Variants in DNAI7 observed in about 807,000 individuals in gnomAD.
DNAI7 encodes cancer susceptibility 1.
DNAI7 carries 78 observed loss-of-function variants against 86.6 expected under a neutral mutation model. That is an observed-to-expected ratio of 0.90 (90% confidence interval 0.75 to 1.09). The LOEUF (loss-of-function observed/expected upper bound fraction) is 1.09. DNAI7 is among the 50% of genes least tolerant of loss of function. The probability of loss-of-function intolerance (pLI) is 0.00; values close to 1 mark genes in which losing one functional copy is unlikely to be tolerated. For synonymous variants in DNAI7, 274 were observed against 273.0 expected (o/e 1.00, Z -0.04); for missense variants, 753 against 810.2 (o/e 0.93, Z 0.86).
intron 12 of DNAI7, among the ~76,000 whole-genome samples, chr12:25,115,344 C>T (rs1009088040): frequency 6.6e-6 from 1 of 152,178 alleles, no homozygotes; most frequent in Admixed American, 6.5e-5. Context: ...GCAACCATCA[C>T]CACAATCCAG....
chr12:25,173,780 TACACACATCATATATATAC>T (rs1232233755), intron 2 of DNAI7, among the ~76,000 whole-genome samples: 12 of 151,186 alleles, frequency 7.9e-5, no homozygotes, highest in East Asian at 1.9e-4. Context: ...ATCATATATA[TACACACATCATATATATAC>T]ACACACATCA....
At chr12:25,170,779 T>G (rs1332662028) in intron 2 of DNAI7, among the ~76,000 whole-genome samples, 1 of 152,068 alleles carries the variant, frequency 6.6e-6, no homozygotes, top group East Asian at 1.9e-4. Flanking sequence ...TATCCAGCAC[T>G]CTCTCACACC....
At chr12:25,195,020 G>T (rs778722054) in intron 1 of DNAI7, 56 bp downstream of exon 1, 2 of 1,614,224 alleles carry the variant, frequency 1.2e-6, no homozygotes, top group Non-Finnish European at 1.7e-6. Flanking sequence ...TTTAACACTG[G>T]TGAAGCAGAA....
intron 13 of DNAI7, 62 bp from the exon 14 acceptor site, chr12:25,112,001 C>A: frequency 9.4e-7 from 1 of 1,063,228 alleles, no homozygotes; most frequent in Non-Finnish European, 1.3e-6. Context: ...AGTATCACTC[C>A]AGGTGCAGCC....
At chr12:25,148,321 A>G (rs2140902151) in intron 7 of DNAI7, among the ~76,000 whole-genome samples, 1 of 152,292 alleles carries the variant, frequency 6.6e-6, no homozygotes, top group East Asian at 1.9e-4. Flanking sequence ...GTTATGCTGT[A>G]TTCTTCATAC....
chr12:25,110,471 C>T (rs1000602484), intron 14 of DNAI7, among the ~76,000 whole-genome samples: 4 of 152,198 alleles, frequency 2.6e-5, no homozygotes, highest in Non-Finnish European at 4.4e-5. Flanking sequence ...CCCGACTCCA[C>T]ATATACCCCA....
chr12:25,137,450 G>T (rs1943677640), intron 9 of DNAI7, among the ~76,000 whole-genome samples: 1 of 151,804 alleles, frequency 6.6e-6, no homozygotes, highest in African/African-American at 2.4e-5. Flanking sequence ...ATCTCACAGG[G>T]CCTATAAAAC....
At chr12:25,135,365 G>T (rs947601282) in intron 9 of DNAI7, among the ~76,000 whole-genome samples, 2 of 152,218 alleles carry the variant, frequency 1.3e-5, no homozygotes, top group Admixed American at 6.5e-5. Context: ...TCTCACAGGG[G>T]TCCTTGGGGA....
At chr12:25,118,325 G>A (rs915231790) in intron 12 of DNAI7, among the ~76,000 whole-genome samples, 17 of 151,974 alleles carry the variant, frequency 1.1e-4, no homozygotes, top group African/African-American at 3.6e-4. Context: ...GTACAGTGGC[G>A]CCATCTTGGC....
At chr12:25,160,482 C>T (rs768712716) in intron 3 of DNAI7, among the ~76,000 whole-genome samples, 8 of 152,174 alleles carry the variant, frequency 5.3e-5, no homozygotes, top group Non-Finnish European at 1.2e-4. Context: ...TAACTCATTC[C>T]GATTACCTGC....
intron 13 of DNAI7, 81 bp from the exon 14 acceptor site, chr12:25,112,020 C>T (rs1046742317): frequency 9.6e-6 from 8 of 837,146 alleles, no homozygotes; most frequent in East Asian, 8.2e-5. Flanking sequence ...CCTTTAGATG[C>T]TTTATACATT....
intron 13 of DNAI7, among the ~76,000 whole-genome samples, chr12:25,112,399 G>GTTTTTTTTTTTTTTTTTT (rs10602859): frequency 9.6e-6 from 1 of 104,298 alleles, no homozygotes; most frequent in Non-Finnish European, 1.8e-5. Flanking sequence ...TTCACATCTG[G>GTTTTTTTTTTTTTTTTTT]TTTTTTTTTT....
intron 12 of DNAI7, among the ~76,000 whole-genome samples, chr12:25,118,318 C>G (rs535570529): frequency 1.3e-5 from 2 of 152,126 alleles, no homozygotes; most frequent in African/African-American, 4.8e-5. Flanking sequence ...GACTGGAGTA[C>G]AGTGGCGCCA....
At chr12:25,111,511 G>T (rs1355088327) in intron 14 of DNAI7, among the ~76,000 whole-genome samples, 2 of 152,146 alleles carry the variant, frequency 1.3e-5, no homozygotes, top group East Asian at 3.8e-4. Context: ...TATAAAATGA[G>T]AATTGCTTAA....
At position 25,144,592 on chromosome 12, in the gene DNAI7, G is replaced by A; in HGVS notation, c.775C>T (p.Leu259=). 6.2e-6 allele frequency: 10 copies of A among 1,614,016 alleles called. No individual in the cohort carries two copies. Among genetic ancestry groups the A allele is most frequent in the Non-Finnish European group, 8.5e-6 (10 of 1,179,938 alleles). The change falls in exon 9 of 16, where the codon CTG becomes TTG. Residue 259 remains leucine (L), a synonymous_variant. Transcript: ENST00000395987. ...GAAACATGATCATAGTGGGTATGCA[G>A]GAGTCGTACAGCAATGTCACTTGTT... ...LATSDIAVRL[L]HTHYDHVSAL...
chr12:25,110,191 G>C lies in DNAI7; in HGVS notation c.1829C>G (p.Ser610Cys). The stretch of plus-strand genomic sequence containing the variant: ...CTTGCTCCAACCAAATGCAAAAGCA[G>C]AACTTAGTAGGGCCATCTGTCGATA... ...KAYRQMALLS[S>C]AFAFGWSKWN... The change falls in exon 15 of 16, where the codon TCT (serine) becomes TGT (cysteine). Residue 610 changes from serine (S) to cysteine (C), a missense_variant. By Grantham distance (112) the Ser-to-Cys change is moderately radical (BLOSUM62 -1). Coordinates refer to ENST00000395987, the MANE Select transcript of DNAI7 (RefSeq NM_018272.5). 6.2e-7 allele frequency: 1 copy of C among 1,612,864 alleles called. No homozygotes were observed. The highest frequency in any genetic ancestry group is 1.7e-5 in the Admixed American group (1 of 60,008).
chr12:25,109,875 A>C (rs1317602755), intron 15 of DNAI7, among the ~76,000 whole-genome samples: 2 of 151,746 alleles, frequency 1.3e-5, no homozygotes, highest in African/African-American at 4.8e-5. Context: ...ACGGGGTTTC[A>C]CCATATTGGT....
At chr12:25,165,364 C>T (rs966359442) in intron 2 of DNAI7, among the ~76,000 whole-genome samples, 17 of 152,312 alleles carry the variant, frequency 1.1e-4, no homozygotes, top group African/African-American at 2.6e-4. Context: ...GAACTCCAAA[C>T]GCCTGAACTG....
rs185809672 is a variant in DNAI7, at chr12:25,171,024, C to G, written c.22-9827G>C. On this transcript the variant is annotated intron_variant, in intron 2 of 15. Coordinates refer to ENST00000395987, the MANE Select transcript of DNAI7 (RefSeq NM_018272.5). ...GCCCTAAATGCCTACATCAAAAAAT[C>G]TGAAAGAGCACAAACAGGCAATCTA... Among the ~76,000 whole-genome samples the G allele has an allele frequency of 1.9e-4, 29 of 152,136 alleles. No homozygotes were observed. In the East Asian group the frequency reaches 3.5e-3, roughly 18 times the overall value.
Sources: gnomAD v4.1 joint callset for allele counts (sites outside exome capture counted in the v4.1 genomes callset) on GRCh38, gnomAD v4.1.1 for gene constraint, MANE v1.5 for transcripts, NCBI Gene and HGNC (gene_info 2026-07-23, HGNC 2026-07-21) for gene names.